RALGPS2: variants seen among roughly 807,000 people sequenced by gnomAD.
RALGPS2 encodes the protein ras-specific guanine nucleotide-releasing factor RalGPS2.
RALGPS2 carries 43 observed loss-of-function variants against 86.8 expected under a neutral mutation model. The observed-to-expected ratio is 0.50, with a 90% confidence interval of 0.39 to 0.64. The LOEUF (loss-of-function observed/expected upper bound fraction) is 0.64, where lower values mean the gene tolerates loss of function less well. Ranked by LOEUF, RALGPS2 falls within the 30% of genes least tolerant of loss-of-function variation. RALGPS2 has a pLI of 0.00. For missense variants in RALGPS2, 536 were observed against 694.6 expected (o/e 0.77, Z 2.57); for synonymous variants, 243 against 231.3 (o/e 1.05, Z -0.46).
intron 1 of RALGPS2, among the ~76,000 whole-genome samples, chr1:178,747,988 A>G (rs913432243): frequency 6.6e-6 from 1 of 152,254 alleles, no homozygotes; most frequent in African/African-American, 2.4e-5. Context: ...GTAAAACAGT[A>G]CAACTACTTT....
chr1:178,905,175 A>G (rs1022635859), intron 18 of RALGPS2, among the ~76,000 whole-genome samples: 1 of 152,192 alleles, frequency 6.6e-6, no homozygotes, highest in African/African-American at 2.4e-5. Context: ...TTGTTGGTGT[A>G]TAGAAGCCTA....
chr1:178,846,822 C>T (rs1191173375), intron 8 of RALGPS2, among the ~76,000 whole-genome samples: 1 of 152,088 alleles, frequency 6.6e-6, no homozygotes, highest in Non-Finnish European at 1.5e-5. Flanking sequence ...TTTAAGCAGG[C>T]TTTAGCAGGA....
intron 1 of RALGPS2, among the ~76,000 whole-genome samples, chr1:178,761,887 G>A (rs1479597146): frequency 2.0e-5 from 3 of 151,926 alleles, no homozygotes; most frequent in African/African-American, 7.3e-5. Flanking sequence ...TTTATTTTAG[G>A]GTCCGGGGTA....
At chr1:178,759,831 A>AT (rs1006834881) in intron 1 of RALGPS2, among the ~76,000 whole-genome samples, 13 of 151,302 alleles carry the variant, frequency 8.6e-5, no homozygotes, top group African/African-American at 2.4e-4. Flanking sequence ...TATGTATTTA[A>AT]TTTTTTTTGT....
At chr1:178,805,068 A>C (rs558140703) in intron 4 of RALGPS2, among the ~76,000 whole-genome samples, 5 of 151,682 alleles carry the variant, frequency 3.3e-5, no homozygotes, top group African/African-American at 9.7e-5. Context: ...TGGCTGCATA[A>C]ATGTCTTCTT....
chr1:178,754,412 C>T (rs1410260142), intron 1 of RALGPS2, among the ~76,000 whole-genome samples: 3 of 152,076 alleles, frequency 2.0e-5, no homozygotes, highest in Non-Finnish European at 4.4e-5. Context: ...GCCTGAAAAG[C>T]AGGAGAGCCG....
Position 178,812,928 on chromosome 1 carries a change from C to CTTTTTTTTT in RALGPS2, c.387+1537_387+1545dup, listed in dbSNP as rs397844555. Among the ~76,000 whole-genome samples the CTTTTTTTTT allele has an allele frequency of 4.3e-4, 46 of 106,828 alleles. 1 individual carries two copies. Among genetic ancestry groups the CTTTTTTTTT allele is most frequent in the African/African-American group, 1.6e-3 (43 of 27,410 alleles). The allele number at this position is 106,828 out of a possible 152,430, so 70.1% of individuals were successfully genotyped here. ...TTTGTGATGATATGTTAGGTAAATA[C>CTTTTTTTTT]TTTTTTTTTTTTTTTTTTTTTGGAG... On this transcript the variant is annotated intron_variant, in intron 6 of 19. Transcript: ENST00000367635.
intron 8 of RALGPS2, chr1:178,849,887 A>G (rs1383464739): frequency 2.0e-5 from 3 of 152,252 alleles, no homozygotes; most frequent in Non-Finnish European, 2.9e-5. Context: ...TGCTTAAGCA[A>G]AAGTTTCATG....
intron 1 of RALGPS2, among the ~76,000 whole-genome samples, chr1:178,743,336 T>G (rs1651134986): frequency 6.6e-6 from 1 of 152,202 alleles, no homozygotes; most frequent in Non-Finnish European, 1.5e-5. Flanking sequence ...CATTTCTACC[T>G]TCAGGCATTA....
chr1:178,903,194 A>G (rs1660249027), intron 18 of RALGPS2, among the ~76,000 whole-genome samples: 1 of 152,188 alleles, frequency 6.6e-6, no homozygotes, highest in Non-Finnish European at 1.5e-5. Flanking sequence ...ACCTCTGTTT[A>G]TTCAGATACT....
At chr1:178,900,222 G>A (rs989687118) in intron 17 of RALGPS2, among the ~76,000 whole-genome samples, 1 of 151,880 alleles carries the variant, frequency 6.6e-6, no homozygotes, top group Non-Finnish European at 1.5e-5. Flanking sequence ...CCTGTTCATG[G>A]CAATAAACCC....
chr1:178,813,332 C>T (rs2102206998), intron 6 of RALGPS2, among the ~76,000 whole-genome samples: 1 of 152,168 alleles, frequency 6.6e-6, no homozygotes, highest in Non-Finnish European at 1.5e-5. Flanking sequence ...TTGTATGTTC[C>T]ACTCAAAACC....
At chr1:178,798,182 T>C (rs1480316357) in intron 4 of RALGPS2, among the ~76,000 whole-genome samples, 1 of 152,212 alleles carries the variant, frequency 6.6e-6, no homozygotes, top group African/African-American at 2.4e-5. Context: ...TTCTGCCATA[T>C]GCGGTCAAGA....
intron 1 of RALGPS2, among the ~76,000 whole-genome samples, chr1:178,727,578 C>T (rs1471098008): frequency 6.6e-6 from 1 of 152,174 alleles, no homozygotes; most frequent in Non-Finnish European, 1.5e-5. Flanking sequence ...AACTGAAAAA[C>T]TGGCTTTGTG....
rs76069805 is a variant in RALGPS2 at position 178,846,904 on chromosome 1, T to C, written c.607+13354T>C. Among the ~76,000 whole-genome samples, 560 of 152,340 alleles carry C rather than the reference T, an allele frequency of 3.7e-3. 5 individuals are homozygous for C. Among genetic ancestry groups the C allele is most frequent in the African/African-American group, 0.012 (506 of 41,572 alleles). On this transcript the variant is annotated intron_variant, in intron 8 of 19. Transcript: ENST00000367635. ...CTGACACTGTACTTTATATAGATTA[T>C]CTAATACATAACAGCAGTTTTATAA... is the stretch of plus-strand genomic sequence containing the variant.
intron 1 of RALGPS2, among the ~76,000 whole-genome samples, chr1:178,770,436 CT>C (rs1652738378): frequency 6.6e-6 from 1 of 151,740 alleles, no homozygotes; most frequent in African/African-American, 2.4e-5. Flanking sequence ...TTATCATTCA[CT>C]TTATTTTCTC....
intron 1 of RALGPS2, among the ~76,000 whole-genome samples, chr1:178,729,706 A>G (rs1258889864): frequency 1.3e-5 from 2 of 152,168 alleles, no homozygotes; most frequent in South Asian, 2.1e-4. Flanking sequence ...CCAACTGGCA[A>G]TGCAAGTCTT....
chr1:178,813,255 A>G (rs1023538921), intron 6 of RALGPS2, among the ~76,000 whole-genome samples: 1 of 152,104 alleles, frequency 6.6e-6, no homozygotes, highest in Non-Finnish European at 1.5e-5. Flanking sequence ...TAACTAATAA[A>G]AATTAATGAT....
chr1:178,916,940 GT>G lies in RALGPS2; in HGVS notation c.*582del, dbSNP rs1424921813. On this transcript the variant is annotated 3_prime_UTR_variant, in exon 20 of 20. Coordinates refer to ENST00000367635, the MANE Select transcript of RALGPS2 (RefSeq NM_152663.5). ...AAGAGTGTAGGAATGAGAAATGTTA[GT>G]CATGTGAGTTCTTGGGTTTGTTTGG... 2 of 152,166 alleles carry G rather than the reference GT, an allele frequency of 1.3e-5. No individual in the cohort carries two copies. The highest frequency in any genetic ancestry group is 2.4e-5 in the African/African-American group (1 of 41,420). The allele number at this position is 152,166 out of a possible 1,614,324, so 9.4% of individuals were successfully genotyped here. A position where few individuals can be genotyped will look rare whatever the true frequency, so the allele number is the denominator to read the frequency against.
Sources: gnomAD v4.1 joint callset for allele counts (sites outside exome capture counted in the v4.1 genomes callset) on GRCh38, gnomAD v4.1.1 for gene constraint, MANE v1.5 for transcripts, NCBI Gene and HGNC (gene_info 2026-07-23, HGNC 2026-07-21) for gene names.